GYG2: variants seen among roughly 807,000 people sequenced by gnomAD.
GYG2 encodes glycogenin-2.
Under a neutral mutation model 29.4 loss-of-function variants are expected in GYG2, and 29 were observed. The observed-to-expected ratio is 0.99, with a 90% CI of 0.74 to 1.35. The LOEUF (loss-of-function observed/expected upper bound fraction) is 1.35. GYG2 is among the 40% of genes most tolerant of loss of function. GYG2 has a pLI of 0.00. For missense variants in GYG2, 370 were observed against 385.7 expected, an observed-to-expected ratio of 0.96 and a Z score of 0.34; for synonymous variants, 167 against 172.3, an observed-to-expected ratio of 0.97 and a Z score of 0.24.
intron 8 of GYG2, among the ~76,000 whole-genome samples, chrX:2,862,723 C>T (rs748620427): frequency 9.9e-5 from 11 of 111,466 alleles, no homozygotes; most frequent in African/African-American, 3.6e-4. Flanking sequence ...TCTCCAGCTC[C>T]AATTTCTAGG....
At chrX:2,838,405 T>C (rs1038257537) in intron 2 of GYG2, among the ~76,000 whole-genome samples, 6 of 109,002 alleles carry the variant, frequency 5.5e-5, no homozygotes, top group African/African-American at 2.0e-4. Context: ...TGATTTTCTT[T>C]CTTTCTTTCT....
intron 10 of GYG2, among the ~76,000 whole-genome samples, chrX:2,879,169 G>A (rs991769939): frequency 1.6e-4 from 17 of 109,224 alleles, no homozygotes; most frequent in African/African-American, 5.0e-4. Context: ...AATTAGAGAA[G>A]AAAGTAGTAT....
chrX:2,850,746 T>C (rs1010183613), intron 3 of GYG2, among the ~76,000 whole-genome samples: 22 of 110,878 alleles, frequency 2.0e-4, no homozygotes, highest in African/African-American at 6.6e-4. Flanking sequence ...CCCCCACTCC[T>C]GCCCACCAGA....
intron 8 of GYG2, among the ~76,000 whole-genome samples, chrX:2,866,364 A>C (rs1322291841): frequency 9.0e-6 from 1 of 111,371 alleles, no homozygotes; most frequent in African/African-American, 3.3e-5. Context: ...GGTGTGCGGT[A>C]CTTGCCGGTG....
At chrX:2,869,695 G>C (rs913061134) in intron 8 of GYG2, among the ~76,000 whole-genome samples, 6 of 111,906 alleles carry the variant, frequency 5.4e-5, no homozygotes, top group Non-Finnish European at 1.1e-4. Context: ...GCCCAGGCTG[G>C]AGTGCAGTGG....
intron 8 of GYG2, among the ~76,000 whole-genome samples, chrX:2,870,337 G>A (rs1040461962): frequency 9.1e-6 from 1 of 110,245 alleles, no homozygotes; most frequent in African/African-American, 3.3e-5. Flanking sequence ...AACTAGCTGG[G>A]ACTACAGGCA....
chrX:2,831,055 C>T (rs1209035254), intron 2 of GYG2, among the ~76,000 whole-genome samples: 1 of 112,550 alleles, frequency 8.9e-6, no homozygotes, highest in Non-Finnish European at 1.9e-5. Flanking sequence ...GTTTTGTGGA[C>T]ATCAGATAGA....
At chrX:2,879,816 ATAGG>A (rs200568337) in intron 10 of GYG2, among the ~76,000 whole-genome samples, 8 of 111,212 alleles carry the variant, frequency 7.2e-5, no homozygotes, top group Admixed American at 2.9e-4. Context: ...TAGAAAGTAG[ATAGG>A]TAGGTAGAGA....
chrX:2,852,456 A>G (rs1411783818), intron 3 of GYG2, among the ~76,000 whole-genome samples: 1 of 111,684 alleles, frequency 9.0e-6, no homozygotes, highest in Non-Finnish European at 1.9e-5. Context: ...GTTCCAGACT[A>G]TGATGAAGTG....
chrX:2,829,730 G>A (rs1159847112), intron 1 of GYG2, among the ~76,000 whole-genome samples: 1 of 108,914 alleles, frequency 9.2e-6, no homozygotes, highest in East Asian at 2.9e-4. Flanking sequence ...AGAACTCCAA[G>A]CAGGTGCGCG....
chrX:2,829,813 G>A (rs1243580176), intron 1 of GYG2, among the ~76,000 whole-genome samples: 1 of 110,160 alleles, frequency 9.1e-6, no homozygotes, highest in Non-Finnish European at 1.9e-5. Context: ...CTGGGCGCAT[G>A]GGTGTTAAGA....
intron 10 of GYG2, among the ~76,000 whole-genome samples, chrX:2,879,906 G>T (rs2088682778): frequency 9.0e-6 from 1 of 110,561 alleles, no homozygotes; most frequent in Non-Finnish European, 1.9e-5. Context: ...AGAATGGATG[G>T]ACAGATGGAT....
At chrX:2,840,260 C>T (rs1272064673) in intron 2 of GYG2, among the ~76,000 whole-genome samples, 3 of 111,599 alleles carry the variant, frequency 2.7e-5, no homozygotes, top group African/African-American at 9.8e-5. Context: ...GATTGGATCT[C>T]TGGCTCTGTT....
At chrX:2,852,565 C>T (rs1029246186) in intron 3 of GYG2, among the ~76,000 whole-genome samples, 1 of 111,852 alleles carries the variant, frequency 8.9e-6, no homozygotes, top group Non-Finnish European at 1.9e-5. Context: ...TTGTATGCAA[C>T]TAACAATGTA....
chrX:2,859,050 T>C (rs191030125), intron 6 of GYG2, among the ~76,000 whole-genome samples: 1 of 111,894 alleles, frequency 8.9e-6, no homozygotes, highest in African/African-American at 3.2e-5. Flanking sequence ...GATTATGTTT[T>C]TTGATATATA....
rs181490491 is a variant in GYG2, at chrX:2,861,820, A to T, written c.1038+98A>T. ...TTCCCTGGCTCCCTGGGGAGGGGAG[A>T]TGGAGGGGAAGGGCTGGTCTTTGGC... On this transcript the variant is annotated intron_variant, in intron 8 of 10. Transcript: ENST00000398806. The T allele has an allele frequency of 6.9e-5, 44 of 636,243 alleles. No individual in the cohort carries two copies. In the East Asian group the frequency reaches 1.5e-3, roughly 22 times the overall value. 52.4% of individuals were successfully genotyped at this position (636,243 alleles called of 1,213,427 possible).
chrX:2,830,925 AAAC>A (rs1387819918), intron 2 of GYG2, among the ~76,000 whole-genome samples: 2 of 111,927 alleles, frequency 1.8e-5, no homozygotes, highest in Admixed American at 9.4e-5. Flanking sequence ...TGTCTCTAAA[AAAC>A]AACAACAAAA....
At chrX:2,845,987 A>G (rs1355334619) in intron 3 of GYG2, among the ~76,000 whole-genome samples, 1 of 82,522 alleles carries the variant, frequency 1.2e-5, no homozygotes, top group African/African-American at 4.5e-5. Context: ...AAAAATATAT[A>G]CATATATGTA....
chrX:2,830,306 C>T (rs2087236046), intron 2 of GYG2, 111 bp downstream of exon 2: 1 of 690,636 alleles, frequency 1.4e-6, no homozygotes, highest in African/African-American at 2.1e-5. Context: ...GCCCCAAACC[C>T]CGAGTCTCCC....
Sources: gnomAD v4.1 joint callset for allele counts (sites outside exome capture counted in the v4.1 genomes callset) on GRCh38, gnomAD v4.1.1 for gene constraint, MANE v1.5 for transcripts, NCBI Gene and HGNC (gene_info 2026-07-23, HGNC 2026-07-21) for gene names.